The following DENND1B variants were observed in gnomAD, a reference collection of about 807,000 sequenced individuals.
DENND1B encodes the protein DENN domain containing 1B.
Under a neutral mutation model 90.1 loss-of-function variants are expected in DENND1B, and 59 were observed. That is an observed-to-expected ratio of 0.65 (90% CI 0.53 to 0.81). DENND1B has a LOEUF of 0.81. Among genes scored for constraint, DENND1B ranks in the 40% least tolerant of loss-of-function variants. The pLI, the probability that DENND1B is intolerant of heterozygous loss-of-function variation, is 0.00. For synonymous variants in DENND1B, 337 were observed against 324.6 expected (o/e 1.04, Z -0.41); for missense variants, 862 against 912.6 (o/e 0.94, Z 0.71).
chr1:197,512,570 C>T (rs889662583), intron 21 of DENND1B, among the ~76,000 whole-genome samples: 7 of 151,612 alleles, frequency 4.6e-5, no homozygotes, highest in Non-Finnish European at 8.9e-5. Context: ...TAACCTTCCT[C>T]TCTTCAGAAT....
rs2125582268 is a variant in DENND1B, at chr1:197,505,300, G to T, written c.*5160C>A. On this transcript the variant is annotated 3_prime_UTR_variant, in exon 23 of 23. Coordinates refer to ENST00000620048, the MANE Select transcript of DENND1B (RefSeq NM_001195215.2). The stretch of plus-strand genomic sequence containing the variant: ...GACATGTGATGCACTAAACATGCAG[G>T]TTTTAAATTCTGCCTTGTCCTAAAC... 6.6e-6 allele frequency: 1 copy of T among 151,766 alleles called. No individual in the cohort carries two copies. The highest frequency in any genetic ancestry group is 2.1e-4 in the South Asian group (1 of 4,822). The allele number at this position is 151,766 out of a possible 1,614,324, so 9.4% of individuals were successfully genotyped here. A position where few individuals can be genotyped will look rare whatever the true frequency, so the allele number is the denominator to read the frequency against.
At position 197,652,156 on chromosome 1, in the gene DENND1B, T is replaced by C. The variant is rs147111118; in HGVS notation, c.447+79A>G. 6.7e-4 allele frequency: 742 copies of C among 1,115,192 alleles called. 6 individuals are homozygous for C. The African/African-American group carries it at 0.011, about 16-fold the overall frequency. 69.1% of individuals were successfully genotyped at this position (1,115,192 alleles called of 1,614,324 possible). On this transcript the variant is annotated intron_variant, in intron 7 of 22. Transcript: ENST00000620048. ...AAGCAGAGATGACTTGGTAAAGAAT[T>C]GCCTGAAGGTACACGTGCTCTTAAC...
chr1:197,579,349 C>T (rs1364471706), intron 15 of DENND1B, among the ~76,000 whole-genome samples: 1 of 152,082 alleles, frequency 6.6e-6, no homozygotes, highest in East Asian at 1.9e-4. Context: ...AGATATCATG[C>T]CAGTATCTTC....
intron 10 of DENND1B, among the ~76,000 whole-genome samples, chr1:197,637,634 T>C (rs906882541): frequency 1.3e-5 from 2 of 152,138 alleles, no homozygotes; most frequent in African/African-American, 4.8e-5. Flanking sequence ...CACTTAGCAC[T>C]GACTAAAAAT....
chr1:197,529,252 G>A (rs1335213070), intron 20 of DENND1B, among the ~76,000 whole-genome samples: 1 of 12,776 alleles, frequency 7.8e-5, no homozygotes, highest in African/African-American at 1.0e-4. Context: ...ATGTGTGTGT[G>A]TGTGTGTGTG....
At position 197,743,601 on chromosome 1, in the gene DENND1B, A is replaced by G. The variant is rs992612940; in HGVS notation, c.83-28527T>C. Among the ~76,000 whole-genome samples, 7 of 152,306 alleles carry G rather than the reference A, an allele frequency of 4.6e-5. No individual in the cohort carries two copies. In the South Asian group the frequency reaches 1.2e-3, roughly 27 times the overall value. On this transcript the variant is annotated intron_variant, in intron 2 of 22. Coordinates refer to ENST00000620048, the MANE Select transcript of DENND1B (RefSeq NM_001195215.2). The stretch of plus-strand genomic sequence containing the variant: ...GGCAACAATTAAGTTTGCCACATCA[A>G]TTCATTCTTCCTTTCACAAAAGATT...
intron 3 of DENND1B, among the ~76,000 whole-genome samples, chr1:197,675,855 C>A (rs1656006160): frequency 6.6e-6 from 1 of 151,988 alleles, no homozygotes; most frequent in African/African-American, 2.4e-5. Context: ...TATTTCACAT[C>A]AATTTTAAGA....
intron 10 of DENND1B, among the ~76,000 whole-genome samples, chr1:197,618,698 A>T (rs1284316972): frequency 2.0e-5 from 3 of 151,174 alleles, no homozygotes. Context: ...CAGCATTCTT[A>T]ATCATTTTAA....
intron 10 of DENND1B, among the ~76,000 whole-genome samples, chr1:197,626,796 A>G (rs1678786066): frequency 6.6e-6 from 1 of 152,184 alleles, no homozygotes; most frequent in Non-Finnish European, 1.5e-5. Context: ...ACTAATAAAG[A>G]AGAAAAGAGA....
chr1:197,567,543 G>C (rs1417025234), intron 15 of DENND1B, among the ~76,000 whole-genome samples: 1 of 152,032 alleles, frequency 6.6e-6, no homozygotes, highest in East Asian at 1.9e-4. Context: ...CAAAAAGAAA[G>C]CGAATTACAT....
chr1:197,770,679 TAC>T (rs1491168690), intron 2 of DENND1B, among the ~76,000 whole-genome samples: 9 of 143,436 alleles, frequency 6.3e-5, no homozygotes, highest in Non-Finnish European at 9.1e-5. Context: ...TCTATAAATA[TAC>T]ATATCTATAA....
chr1:197,522,088 G>T (rs1668817533), intron 20 of DENND1B, among the ~76,000 whole-genome samples: 1 of 151,992 alleles, frequency 6.6e-6, no homozygotes, highest in Non-Finnish European at 1.5e-5. Context: ...TCTAAAAATG[G>T]CAAGCTATAA....
chr1:197,661,976 C>G (rs1486710494), intron 5 of DENND1B, among the ~76,000 whole-genome samples: 2 of 151,834 alleles, frequency 1.3e-5, no homozygotes, highest in Non-Finnish European at 2.9e-5. Context: ...AAAATTTAAA[C>G]AGTTTTTATT....
intron 2 of DENND1B, chr1:197,746,820 T>C: frequency 6.2e-7 from 1 of 1,610,646 alleles, no homozygotes; most frequent in Non-Finnish European, 8.5e-7. Flanking sequence ...AGTTTCTTCT[T>C]TTTGGGGGCA....
intron 16 of DENND1B, among the ~76,000 whole-genome samples, chr1:197,549,194 T>A (rs1571836524): frequency 6.6e-6 from 1 of 152,126 alleles, no homozygotes; most frequent in African/African-American, 2.4e-5. Context: ...GGACAAAATA[T>A]CTATTTCTCA....
chr1:197,672,774 C>A (rs984712516), intron 4 of DENND1B, among the ~76,000 whole-genome samples: 4 of 152,002 alleles, frequency 2.6e-5, no homozygotes, highest in African/African-American at 7.2e-5. Context: ...GGCTTATCAG[C>A]TAAGCTGTAA....
At chr1:197,554,548 A>C (rs889167204) in intron 15 of DENND1B, among the ~76,000 whole-genome samples, 1 of 152,044 alleles carries the variant, frequency 6.6e-6, no homozygotes, top group Non-Finnish European at 1.5e-5. Flanking sequence ...GCAATTTAAG[A>C]TAATTAATAG....
intron 15 of DENND1B, among the ~76,000 whole-genome samples, chr1:197,580,096 T>TC (rs1571954434): frequency 7.5e-6 from 1 of 132,970 alleles, no homozygotes; most frequent in East Asian, 2.1e-4. Context: ...TCTTTTTTTT[T>TC]TTTTTTTTTT....
chr1:197,732,358 T>C (rs958548808), intron 2 of DENND1B, among the ~76,000 whole-genome samples: 2 of 152,184 alleles, frequency 1.3e-5, no homozygotes, highest in African/African-American at 4.8e-5. Context: ...CTATTTTCTA[T>C]ACTTATCTCT....
Sources: allele counts gnomAD v4.1 joint callset (sites outside exome capture counted in the v4.1 genomes callset), GRCh38; gene constraint gnomAD v4.1.1; transcripts MANE v1.5; gene names NCBI Gene and HGNC (gene_info 2026-07-23, HGNC 2026-07-21).